Variants in AMMECR1L observed in about 807,000 individuals in gnomAD.
The protein encoded by AMMECR1L is AMMECR1-like protein.
AMMECR1L carries 4 observed loss-of-function variants against 36.8 expected under a neutral mutation model. The ratio of observed to expected loss-of-function variants is 0.11; its 90% CI spans 0.05 to 0.25. The LOEUF (loss-of-function observed/expected upper bound fraction) is 0.25, where lower values mean the gene tolerates loss of function less well. Ranked by LOEUF, AMMECR1L falls within the 10% of genes least tolerant of loss-of-function variation. AMMECR1L has a pLI of 1.00. For missense variants in AMMECR1L, 232 were observed against 392.1 expected (o/e 0.59, Z 3.45); for synonymous variants, 147 against 148.0 (o/e 0.99, Z 0.05).
At chr2:127,872,549 A>C (rs1691030856) in intron 3 of AMMECR1L, among the ~76,000 whole-genome samples, 1 of 152,158 alleles carries the variant, frequency 6.6e-6, no homozygotes, top group South Asian at 2.1e-4. Context: ...TTAAGTTTTC[A>C]AAGTTATCTG....
chr2:127,873,389 G>A lies in AMMECR1L; in HGVS notation c.407+439C>T. The A allele has an allele frequency of 1.0e-6, 1 of 985,400 alleles. No individual in the cohort carries two copies. Among genetic ancestry groups the A allele is most frequent in the Non-Finnish European group, 1.2e-6 (1 of 829,924 alleles). 61.0% of individuals were successfully genotyped at this position (985,400 alleles called of 1,614,324 possible). The stretch of plus-strand genomic sequence containing the variant: ...GGGATTTCTCATGAACAAAGTGAGG[G>A]GACCCCTGTTAACCAAATCGCAGAT... On this transcript the variant is annotated intron_variant, in intron 3 of 7. Coordinates refer to ENST00000272647, the MANE Select transcript of AMMECR1L (RefSeq NM_001199140.2). This position sits in a 1 kb window ranked among gnomAD's most constrained non-coding sequence, Gnocchi z 5.2.
At chr2:127,866,131 A>G (rs1296729259) in intron 7 of AMMECR1L, among the ~76,000 whole-genome samples, 4 of 152,202 alleles carry the variant, frequency 2.6e-5, no homozygotes, top group Non-Finnish European at 5.9e-5. Flanking sequence ...ATTATTCAGC[A>G]TTTTACAGAT....
At position 127,874,337 on chromosome 2, in the gene AMMECR1L, A is replaced by G; in HGVS notation, c.-38-65T>C. 7.0e-7 allele frequency: 1 copy of G among 1,436,846 alleles called. No homozygotes were observed. Among genetic ancestry groups the G allele is most frequent in the East Asian group, 2.4e-5 (1 of 41,752 alleles). 89.0% of individuals were successfully genotyped at this position (1,436,846 alleles called of 1,614,324 possible). ...AGTTAAAAGGAGAGGAAAAAACATCAAAGATAGAGAGTCTGCATTGACCAG... is the reference window on the plus strand; with the variant it reads ...AGTTAAAAGGAGAGGAAAAAACATCGAAGATAGAGAGTCTGCATTGACCAG... On this transcript the variant is annotated intron_variant, in intron 2 of 7. Transcript: ENST00000272647. The surrounding 1 kb of genome is among the most constrained non-coding windows in gnomAD (Gnocchi z 5.2).
chr2:127,875,707 C>T (rs770669478), intron 2 of AMMECR1L, among the ~76,000 whole-genome samples: 2 of 152,084 alleles, frequency 1.3e-5, no homozygotes, highest in Admixed American at 6.5e-5. Context: ...TCTCTGTGGC[C>T]GAAGAATAAT....
intron 1 of AMMECR1L, chr2:127,884,955 C>A: frequency 5.8e-6 from 1 of 173,388 alleles, no homozygotes; most frequent in Non-Finnish European, 1.1e-5. Flanking sequence ...CCCACCCACT[C>A]TATCCTAGGA....
chr2:127,863,616 T>C lies in AMMECR1L; in HGVS notation c.*1478A>G, dbSNP rs1690557399. ...TCAAAAAATAAATTAAATAAAAACA[T>C]GTTCACTGGGTTGACACCCAATCCA... On this transcript the variant is annotated 3_prime_UTR_variant, in exon 8 of 8. Coordinates refer to ENST00000272647, the MANE Select transcript of AMMECR1L (RefSeq NM_001199140.2). 3 of 152,674 alleles carry C rather than the reference T, an allele frequency of 2.0e-5. No homozygotes were observed. Among genetic ancestry groups the C allele is most frequent in the Non-Finnish European group, 2.9e-5 (2 of 68,050 alleles). The allele number at this position is 152,674 out of a possible 1,614,324, so 9.5% of individuals were successfully genotyped here.
At chr2:127,884,126 C>T (rs1203867935) in intron 2 of AMMECR1L, 77 bp downstream of exon 2, 1 of 152,220 alleles carries the variant, frequency 6.6e-6, no homozygotes, top group African/African-American at 2.4e-5. Flanking sequence ...ACACCTACAT[C>T]CCAAAATCCT....
At chr2:127,883,666 A>G (rs1691621440) in intron 2 of AMMECR1L, among the ~76,000 whole-genome samples, 1 of 152,232 alleles carries the variant, frequency 6.6e-6, no homozygotes, top group Admixed American at 6.5e-5. Flanking sequence ...CACAGCAGTC[A>G]TAATTTTTCC....
chr2:127,873,290 G>A lies in AMMECR1L; in HGVS notation c.407+538C>T, dbSNP rs1232473982. On this transcript the variant is annotated intron_variant, in intron 3 of 7. Transcript: ENST00000272647. The surrounding 1 kb of genome is among the most constrained non-coding windows in gnomAD (Gnocchi z 5.2). ...TAGAGGGCTTGGGACAAGCAACAAAGAATCTTGAACTAAAAATACTGAAGC... is the reference window on the plus strand; with the variant it reads ...TAGAGGGCTTGGGACAAGCAACAAAAAATCTTGAACTAAAAATACTGAAGC... The A allele has an allele frequency of 1.0e-6, 1 of 985,330 alleles. No homozygotes were observed. The highest frequency in any genetic ancestry group is 1.1e-4 in the East Asian group (1 of 8,836). 61.0% of individuals were successfully genotyped at this position (985,330 alleles called of 1,614,324 possible).
At position 127,873,946 on chromosome 2, in the gene AMMECR1L, T is replaced by C. The variant is rs1342152648; in HGVS notation, c.289A>G (p.Asn97Asp). Residue 97 changes from asparagine to aspartate, a missense_variant, in exon 3 of 8, where the codon AAC becomes GAC. Physicochemically the swap from Asn to Asp is conservative, Grantham distance 23. Transcript: ENST00000272647. The surrounding 1 kb of genome is among the most constrained non-coding windows in gnomAD (Gnocchi z 5.2). ...GTCACCACCAGATTCTTAGTGGTGT[T>C]GGCAGTTCCATTAGGCCGGGGAAGA... The part of the protein sequence containing the change: ...SPLPRPNGTA[N>D]TTKNLVVTAE... 1 of 1,614,234 alleles carries C rather than the reference T, an allele frequency of 6.2e-7. No homozygotes were observed. Among genetic ancestry groups the C allele is most frequent in the Admixed American group, 1.7e-5 (1 of 60,030 alleles).
chr2:127,879,266 G>C (rs1221252085), intron 2 of AMMECR1L, among the ~76,000 whole-genome samples: 1 of 152,224 alleles, frequency 6.6e-6, no homozygotes, highest in East Asian at 1.9e-4. Flanking sequence ...GATTTCTCAT[G>C]AATGATTTAG....
Position 127,885,911 on chromosome 2 carries a change from G to A in AMMECR1L, c.-250C>T. 4 of 986,474 alleles carry A rather than the reference G, an allele frequency of 4.1e-6. No homozygotes were observed. Among genetic ancestry groups the A allele is most frequent in the Non-Finnish European group, 4.8e-6 (4 of 830,296 alleles). 61.1% of individuals were successfully genotyped at this position (986,474 alleles called of 1,614,324 possible). A position where few individuals can be genotyped will look rare whatever the true frequency, so the allele number is the denominator to read the frequency against. ...CATGCGCCTGGGTGGGGGCTCCCGAGAGAAGCTGGCCTGCGGGCGGGCCGG... is the reference window on the plus strand; with the variant it reads ...CATGCGCCTGGGTGGGGGCTCCCGAAAGAAGCTGGCCTGCGGGCGGGCCGG... On this transcript the variant is annotated 5_prime_UTR_variant, in exon 1 of 8. Transcript: ENST00000272647.
chr2:127,872,969 G>A (rs749332823), intron 3 of AMMECR1L: 227 of 975,508 alleles, frequency 2.3e-4, no homozygotes, highest in Middle Eastern at 1.6e-3. Flanking sequence ...AGCTCTGTGC[G>A]TGTGTGATTT....
chr2:127,866,100 G>C (rs1376288837), intron 7 of AMMECR1L, among the ~76,000 whole-genome samples: 2 of 152,132 alleles, frequency 1.3e-5, no homozygotes, highest in Non-Finnish European at 2.9e-5. Flanking sequence ...CTTCCAAACA[G>C]ACCTGTGAGA....
At chr2:127,875,394 G>C (rs936040418) in intron 2 of AMMECR1L, among the ~76,000 whole-genome samples, 4 of 152,138 alleles carry the variant, frequency 2.6e-5, no homozygotes, top group Admixed American at 1.3e-4. Flanking sequence ...GGGCAAGTGG[G>C]GGGAGGGAGA....
At chr2:127,879,161 G>A (rs956735439) in intron 2 of AMMECR1L, among the ~76,000 whole-genome samples, 2 of 152,160 alleles carry the variant, frequency 1.3e-5, no homozygotes, top group South Asian at 2.1e-4. Context: ...ACTTGATACA[G>A]TTTGCGTGTT....
intron 2 of AMMECR1L, among the ~76,000 whole-genome samples, chr2:127,882,220 T>A (rs1255397765): frequency 3.1e-4 from 47 of 151,610 alleles, no homozygotes. Context: ...GAGGGCACGA[T>A]CTCATAAAGA....
rs1691058936 is a variant in AMMECR1L, at chr2:127,873,013, C to T, written c.407+815G>A. 1.4e-5 allele frequency: 14 copies of T among 985,382 alleles called. No individual in the cohort carries two copies. Among genetic ancestry groups the T allele is most frequent in the Non-Finnish European group, 1.7e-5 (14 of 829,918 alleles). The allele number at this position is 985,382 out of a possible 1,614,324, so 61.0% of individuals were successfully genotyped here. A position where few individuals can be genotyped will look rare whatever the true frequency, so the allele number is the denominator to read the frequency against. On this transcript the variant is annotated intron_variant, in intron 3 of 7. Transcript: ENST00000272647. The surrounding 1 kb of genome is among the most constrained non-coding windows in gnomAD (Gnocchi z 5.2). ...GACAGGCCTCCCAAGGGAAGAGGCT[C>T]CTTTTCTTCACACCCTCTCCATGCC...
rs1478089635 is a variant in AMMECR1L at position 127,865,208 on chromosome 2, G to A, written c.822-3C>T. 5.0e-6 allele frequency: 8 copies of A among 1,607,698 alleles called. No homozygotes were observed. Among genetic ancestry groups the A allele is most frequent in the Non-Finnish European group, 6.8e-6 (8 of 1,175,996 alleles). The stretch of plus-strand genomic sequence containing the variant: ...TTGTCACCTTCTCACTTCGGTACCT[G>A]TATGAGGAAACAGGAAAGGGTATTA... On this transcript the variant is annotated splice_region_variant and splice_polypyrimidine_tract_variant and intron_variant, in intron 7 of 7. Coordinates refer to ENST00000272647, the MANE Select transcript of AMMECR1L (RefSeq NM_001199140.2). The surrounding 1 kb of genome is among the most constrained non-coding windows in gnomAD (Gnocchi z 5.4).
Sources: gnomAD v4.1 joint callset for allele counts (sites outside exome capture counted in the v4.1 genomes callset) on GRCh38, gnomAD v4.1.1 for gene constraint, Gnocchi (gnomAD v3.1) non-coding constraint, MANE v1.5 for transcripts, NCBI Gene and HGNC (gene_info 2026-07-23, HGNC 2026-07-21) for gene names.